ERC2: variants seen among roughly 807,000 people sequenced by gnomAD.
ERC2 encodes the protein ELKS/RAB6-interacting/CAST family member 2, also known as ERC protein 2.
A neutral mutation model predicts 114.8 loss-of-function variants in ERC2; 42 were observed. The observed-to-expected ratio is 0.37, with a 90% CI of 0.29 to 0.47. The LOEUF (loss-of-function observed/expected upper bound fraction) is 0.47, where lower values mean the gene tolerates loss of function less well. Ranked by LOEUF, ERC2 falls within the 20% of genes least tolerant of loss-of-function variation. The pLI is 0.99. For missense variants in ERC2, 939 were observed against 1,150.7 expected, an observed-to-expected ratio of 0.82 and a Z score of 2.66; for synonymous variants, 454 against 425.5, an observed-to-expected ratio of 1.07 and a Z score of -0.82.
chr3:56,011,271 T>C (rs958284838), intron 8 of ERC2, among the ~76,000 whole-genome samples: 5 of 152,230 alleles, frequency 3.3e-5, no homozygotes. Flanking sequence ...CTTTATTTTA[T>C]TGAGGGCTTA....
At chr3:55,969,672 T>C (rs1325770986) in intron 12 of ERC2, among the ~76,000 whole-genome samples, 1 of 152,206 alleles carries the variant, frequency 6.6e-6, no homozygotes, top group Non-Finnish European at 1.5e-5. Context: ...AAGGGTCTAA[T>C]GATCAGGTGA....
intron 7 of ERC2, among the ~76,000 whole-genome samples, chr3:56,066,253 A>G (rs2149717824): frequency 6.6e-6 from 1 of 152,244 alleles, no homozygotes; most frequent in South Asian, 2.1e-4. Flanking sequence ...CCGGCATGAG[A>G]TGGTAGTTCA....
chr3:56,444,646 T>A (rs2062477761), intron 1 of ERC2, among the ~76,000 whole-genome samples: 1 of 152,212 alleles, frequency 6.6e-6, no homozygotes, highest in African/African-American at 2.4e-5. Flanking sequence ...CCTTGATTCC[T>A]GTCTAACTCA....
At chr3:56,139,442 G>T in intron 6 of ERC2, 67 bp downstream of exon 6, 1 of 1,503,052 alleles carries the variant, frequency 6.7e-7, no homozygotes, top group Non-Finnish European at 9.0e-7. Flanking sequence ...GAGGAAAGTT[G>T]TTCAGGTAGG....
chr3:56,081,043 C>A, intron 6 of ERC2, 59 bp from the exon 7 acceptor site: 2 of 1,570,776 alleles, frequency 1.3e-6, no homozygotes, highest in South Asian at 2.3e-5. Context: ...CAATAACCAT[C>A]AATTGTGCCC....
At chr3:55,632,981 A>G (rs2059816512) in intron 17 of ERC2, among the ~76,000 whole-genome samples, 1 of 152,170 alleles carries the variant, frequency 6.6e-6, no homozygotes. Flanking sequence ...TATTTTTTCC[A>G]GAGTACCCAT....
At chr3:55,787,482 T>G (rs915935440) in intron 14 of ERC2, among the ~76,000 whole-genome samples, 6 of 152,208 alleles carry the variant, frequency 3.9e-5, no homozygotes, top group Non-Finnish European at 8.8e-5. Flanking sequence ...AATATGTTGG[T>G]TAAGCCCAGT....
rs192945758 is a variant in ERC2 at position 55,940,012 on chromosome 3, G to A, written c.2403+10413C>T. On this transcript the variant is annotated intron_variant, in intron 13 of 17. Coordinates refer to ENST00000288221, the MANE Select transcript of ERC2 (RefSeq NM_015576.3). ...GACCCTGCACTCCAGATGGAAAACA[G>A]AGTTCTTAGAGTGACTTACATTTAA... 8.7e-4 allele frequency among the ~76,000 whole-genome samples: 133 copies of A among 152,302 alleles called. 1 individual carries two copies. Among genetic ancestry groups the A allele is most frequent in the South Asian group, 6.4e-3 (31 of 4,826 alleles).
chr3:56,027,338 G>C (rs2074110133), intron 7 of ERC2, among the ~76,000 whole-genome samples: 1 of 152,176 alleles, frequency 6.6e-6, no homozygotes, highest in Non-Finnish European at 1.5e-5. Flanking sequence ...AATGCTACCA[G>C]AGTGCAACTG....
intron 6 of ERC2, among the ~76,000 whole-genome samples, chr3:56,102,437 A>T (rs575129693): frequency 6.6e-6 from 1 of 152,138 alleles, no homozygotes; most frequent in Non-Finnish European, 1.5e-5. Context: ...AACAAAGAAC[A>T]CGGGGTGAGA....
intron 3 of ERC2, among the ~76,000 whole-genome samples, chr3:56,232,750 G>C (rs182740374): frequency 6.6e-6 from 1 of 152,200 alleles, no homozygotes; most frequent in Non-Finnish European, 1.5e-5. Flanking sequence ...AATTTAAAAT[G>C]TTTCCATGGA....
At chr3:56,303,599 G>C (rs1018268785) in intron 2 of ERC2, among the ~76,000 whole-genome samples, 1 of 152,296 alleles carries the variant, frequency 6.6e-6, no homozygotes, top group South Asian at 2.1e-4. Flanking sequence ...GAGCTTACAA[G>C]GAAGTAAGGG....
intron 14 of ERC2, among the ~76,000 whole-genome samples, chr3:55,872,376 T>C (rs749513492): frequency 1.3e-5 from 2 of 152,134 alleles, no homozygotes; most frequent in East Asian, 3.9e-4. Flanking sequence ...TCTAAAAAAA[T>C]AGGATTTACT....
At chr3:56,066,997 T>C (rs1431839485) in intron 7 of ERC2, among the ~76,000 whole-genome samples, 1 of 152,222 alleles carries the variant, frequency 6.6e-6, no homozygotes, top group Non-Finnish European at 1.5e-5. Flanking sequence ...CCTCCAGCTT[T>C]GTTCTTTTTG....
intron 6 of ERC2, among the ~76,000 whole-genome samples, chr3:56,130,297 C>A (rs1382953309): frequency 6.6e-6 from 1 of 152,160 alleles, no homozygotes; most frequent in Non-Finnish European, 1.5e-5. Context: ...ATCTCCTAGG[C>A]TCTACTTTCT....
intron 14 of ERC2, among the ~76,000 whole-genome samples, chr3:55,773,147 A>C (rs1368745658): frequency 6.6e-6 from 1 of 152,204 alleles, no homozygotes; most frequent in East Asian, 1.9e-4. Flanking sequence ...AGCCAAGCCA[A>C]AGTCATCCCA....
rs1480913197 is a variant in ERC2, at chr3:56,080,896, C to T, written c.1562G>A (p.Gly521Glu). Residue 521 changes from glycine to glutamate, a missense_variant, in exon 7 of 18, where the codon GGG (glycine) becomes GAG (glutamate). Physicochemically the swap from Gly to Glu is moderately conservative, Grantham distance 98. Transcript: ENST00000288221. ...KQLQDLTEEK[G>E]TLAGEIRDMK... ...GTCACGAATTTCACCGGCCAGTGTC[C>T]CCTTCTCTTCTGTGAGGTCCTGTAG... is the stretch of plus-strand genomic sequence containing the variant. The T allele has an allele frequency of 6.2e-7, 1 of 1,613,668 alleles. No individual in the cohort carries two copies. Among genetic ancestry groups the T allele is most frequent in the Non-Finnish European group, 8.5e-7 (1 of 1,179,726 alleles).
chr3:56,206,605 A>G (rs2048753140), intron 3 of ERC2, among the ~76,000 whole-genome samples: 1 of 152,236 alleles, frequency 6.6e-6, no homozygotes, highest in African/African-American at 2.4e-5. Flanking sequence ...GTGTATAAAT[A>G]TAGGTATGAG....
At chr3:56,097,022 T>G (rs2078100175) in intron 6 of ERC2, among the ~76,000 whole-genome samples, 1 of 152,208 alleles carries the variant, frequency 6.6e-6, no homozygotes, top group African/African-American at 2.4e-5. Flanking sequence ...AGGTGTGTGT[T>G]GAATTTAGGA....
Sources: gnomAD v4.1 joint callset for allele counts (sites outside exome capture counted in the v4.1 genomes callset) on GRCh38, gnomAD v4.1.1 for gene constraint, MANE v1.5 for transcripts, NCBI Gene and HGNC (gene_info 2026-07-23, HGNC 2026-07-21) for gene names.